STK32C: variants seen among roughly 807,000 people sequenced by gnomAD.
STK32C encodes serine/threonine kinase 32C, also known as serine/threonine-protein kinase 32C.
Under a neutral mutation model 56.5 loss-of-function variants are expected in STK32C, and 31 were observed. The ratio of observed to expected loss-of-function variants is 0.55; its 90% confidence interval spans 0.41 to 0.74. STK32C has a LOEUF of 0.74. STK32C is among the 30% of genes least tolerant of loss of function. The pLI is 0.00. For missense variants in STK32C, 544 were observed against 676.9 expected (o/e 0.80, Z 2.18); for synonymous variants, 309 against 289.4 (o/e 1.07, Z -0.69).
At chr10:132,279,914 C>G (rs34534300) in intron 1 of STK32C, among the ~76,000 whole-genome samples, 30,490 of 140,244 alleles carry the variant, frequency 0.22, 3,854 homozygotes, top group Non-Finnish European at 0.31. Flanking sequence ...CCCTACACTC[C>G]GTGATCACGC....
intron 2 of STK32C, among the ~76,000 whole-genome samples, chr10:132,244,160 G>A (rs2063602929): frequency 1.3e-5 from 2 of 152,064 alleles, no homozygotes; most frequent in Non-Finnish European, 2.9e-5. Flanking sequence ...TCAGTGCCAG[G>A]CACCCATCAA....
chr10:132,330,670 GCATT>G (rs2066655444), intron 1 of STK32C, among the ~76,000 whole-genome samples: 6 of 99,458 alleles, frequency 6.0e-5, no homozygotes, highest in Admixed American at 6.0e-4. Flanking sequence ...ACCACACCCA[GCATT>G]TTTTTTTTTT....
intron 1 of STK32C, among the ~76,000 whole-genome samples, chr10:132,270,864 G>A (rs1467792330): frequency 6.6e-6 from 1 of 152,120 alleles, no homozygotes; most frequent in East Asian, 1.9e-4. Flanking sequence ...AACACACCTG[G>A]TGAGGACCCA....
chr10:132,224,972 T>C (rs1034083418), intron 7 of STK32C, among the ~76,000 whole-genome samples: 1 of 152,184 alleles, frequency 6.6e-6, no homozygotes, highest in South Asian at 2.1e-4. Flanking sequence ...GCTGGCCAGT[T>C]CTCAGCCTTG....
At chr10:132,318,395 C>G (rs897018334) in intron 1 of STK32C, among the ~76,000 whole-genome samples, 7 of 151,928 alleles carry the variant, frequency 4.6e-5, no homozygotes, top group African/African-American at 1.7e-4. Flanking sequence ...GCGGGCAGAT[C>G]ACTTGAGGTC....
At chr10:132,309,575 C>T (rs573686950), upstream of STK32C, among the ~76,000 whole-genome samples, 2 of 152,320 alleles carry the variant, frequency 1.3e-5, no homozygotes, top group South Asian at 2.1e-4. Flanking sequence ...CTTGCAGCTG[C>T]GAAGCTCTGT....
At chr10:132,258,990 T>C (rs995567057) in intron 1 of STK32C, among the ~76,000 whole-genome samples, 1 of 152,162 alleles carries the variant, frequency 6.6e-6, no homozygotes, top group Non-Finnish European at 1.5e-5. Flanking sequence ...CTAAAAGCAT[T>C]CACTCGACAA....
In STK32C at chr10:132,240,330, C is replaced by T. The variant is rs550999109; in HGVS notation, c.318+5570G>A. Among the ~76,000 whole-genome samples the T allele has an allele frequency of 5.3e-5, 8 of 152,356 alleles. No individual in the cohort carries two copies. In the East Asian group the frequency reaches 7.7e-4, roughly 15 times the overall value. On this transcript the variant is annotated intron_variant, in intron 2 of 11. Transcript: ENST00000298630. Reference sequence around the variant, plus strand: ...GACTCAGAGGCCACAGGCTCAGCCACGGTGTCACAGTCACACATGGCAGGG... The same window carrying T: ...GACTCAGAGGCCACAGGCTCAGCCATGGTGTCACAGTCACACATGGCAGGG...
In STK32C at chr10:132,303,406, G is replaced by A. The variant is rs147364880; in HGVS notation, c.262+4166C>T. Among the ~76,000 whole-genome samples, 6 of 152,306 alleles carry A rather than the reference G, an allele frequency of 3.9e-5. 1 individual carries two copies. Among genetic ancestry groups the A allele is most frequent in the Admixed American group, 2.0e-4 (3 of 15,304 alleles). Reference sequence around the variant, plus strand: ...ACTGCTGTCACATAAAGGCAAGGCCGGACGCAGCCACAAAGGCAGATGATG... The same window carrying A: ...ACTGCTGTCACATAAAGGCAAGGCCAGACGCAGCCACAAAGGCAGATGATG... On this transcript the variant is annotated intron_variant, in intron 1 of 11. Coordinates refer to ENST00000298630, the MANE Select transcript of STK32C (RefSeq NM_173575.4).
At position 132,225,512 on chromosome 10, in the gene STK32C, C is replaced by A. The variant is rs1241829199; in HGVS notation, c.772+15G>T. On this transcript the variant is annotated intron_variant, in intron 6 of 11. Transcript: ENST00000298630. The stretch of plus-strand genomic sequence containing the variant: ...AGGAAGCCAGCTCCCATCTGGAACC[C>A]CAGCTCGGGCTCACCCATGTACGGC... 3.7e-6 allele frequency: 6 copies of A among 1,613,722 alleles called. No homozygotes were observed. Among genetic ancestry groups the A allele is most frequent in the Non-Finnish European group, 5.1e-6 (6 of 1,180,006 alleles).
intron 2 of STK32C, among the ~76,000 whole-genome samples, chr10:132,231,840 C>A (rs1317993405): frequency 2.0e-5 from 3 of 152,234 alleles, no homozygotes; most frequent in Admixed American, 6.5e-5. Context: ...GAGGACACCA[C>A]GAGTGGCCAG....
intron 1 of STK32C, chr10:132,330,320 A>G: frequency 3.1e-6 from 2 of 648,770 alleles, no homozygotes; most frequent in South Asian, 1.7e-5. Flanking sequence ...TTGTGAAAAG[A>G]GATACTGGAA....
intron 4 of STK32C, 88 bp from the exon 5 acceptor site, chr10:132,225,872 G>C: frequency 6.4e-7 from 1 of 1,557,798 alleles, no homozygotes; most frequent in Non-Finnish European, 8.8e-7. Flanking sequence ...GAGTCCCCAG[G>C]ACATCCCACC....
intron 1 of STK32C, among the ~76,000 whole-genome samples, chr10:132,266,236 G>A (rs536414479): frequency 1.6e-4 from 24 of 152,342 alleles, no homozygotes; most frequent in Non-Finnish European, 2.8e-4. Context: ...GTTTACAAGA[G>A]CGCGTCGTGC....
intron 1 of STK32C, among the ~76,000 whole-genome samples, chr10:132,299,735 G>C (rs1218211171): frequency 2.0e-5 from 3 of 152,234 alleles, no homozygotes; most frequent in African/African-American, 7.2e-5. Flanking sequence ...ACTAGTGTAG[G>C]GTAGTTTACT....
At chr10:132,318,988 G>A (rs1362773968) in intron 1 of STK32C, among the ~76,000 whole-genome samples, 3 of 152,076 alleles carry the variant, frequency 2.0e-5, no homozygotes, top group Non-Finnish European at 4.4e-5. Flanking sequence ...CTCTCTTGTC[G>A]CCCAGGCTGG....
intron 1 of STK32C, among the ~76,000 whole-genome samples, chr10:132,285,862 G>A (rs749568455): frequency 4.6e-5 from 7 of 152,290 alleles, no homozygotes; most frequent in East Asian, 1.9e-4. Context: ...TGGCTCACGC[G>A]TGTAAGCCCA....
intron 1 of STK32C, among the ~76,000 whole-genome samples, chr10:132,246,921 C>A (rs1172948356): frequency 1.3e-5 from 2 of 152,198 alleles, no homozygotes; most frequent in East Asian, 3.9e-4. Flanking sequence ...CCTCAGTGTG[C>A]TGTATCCATG....
At position 132,230,729 on chromosome 10, in the gene STK32C, C is replaced by T. The variant is rs186026661; in HGVS notation, c.319-2601G>A. Among the ~76,000 whole-genome samples, 7 of 151,312 alleles carry T rather than the reference C, an allele frequency of 4.6e-5. No homozygotes were observed. The East Asian group carries it at 1.4e-3, about 30-fold the overall frequency. ...ACCTCTGCCTGGAGCGGCGCCAGCA[C>T]CCGCAGCCCAAGGCCGTCTTCAGCC... On this transcript the variant is annotated intron_variant, in intron 2 of 11. Transcript: ENST00000298630.
Sources: allele counts gnomAD v4.1 joint callset (sites outside exome capture counted in the v4.1 genomes callset), GRCh38; gene constraint gnomAD v4.1.1; transcripts MANE v1.5; gene names NCBI Gene and HGNC (gene_info 2026-07-23, HGNC 2026-07-21).